Variants in RTEL1 observed in about 807,000 individuals in gnomAD.
RTEL1 encodes regulator of telomere length.
Under a neutral mutation model 162.2 loss-of-function variants are expected in RTEL1, and 86 were observed. The observed-to-expected ratio is 0.53, with a 90% CI of 0.45 to 0.63. The LOEUF is 0.63. Among genes scored for constraint, RTEL1 ranks in the 30% least tolerant of loss-of-function variants. The pLI, the probability that RTEL1 is intolerant of heterozygous loss-of-function variation, is 0.00. For missense variants in RTEL1, 1,941 were observed against 1,750.2 expected, an observed-to-expected ratio of 1.11 and a Z score of -1.95; for synonymous variants, 958 against 717.9, an observed-to-expected ratio of 1.33 and a Z score of -5.35.
chr20:63,679,706 T>C, intron 12 of RTEL1, 143 bp from the exon 13 acceptor site: 1 of 696,794 alleles, frequency 1.4e-6, no homozygotes, highest in Non-Finnish European at 2.6e-6. Context: ...CCCTCCAGGC[T>C]CGAGCCTGTT....
intron 6 of RTEL1, among the ~76,000 whole-genome samples, chr20:63,663,578 T>A (rs2090063740): frequency 6.6e-6 from 1 of 151,900 alleles, no homozygotes; most frequent in Non-Finnish European, 1.5e-5. Flanking sequence ...CTTCTGGGGC[T>A]CATCACGGGG....
At chr20:63,681,993 A>G (rs761855331) in intron 14 of RTEL1, 19 of 985,284 alleles carry the variant, frequency 1.9e-5, no homozygotes, top group Non-Finnish European at 2.3e-5. Flanking sequence ...ACCTGCTTCC[A>G]TGTCCCTGAT....
rs2089970975 is a variant in RTEL1, at chr20:63,659,284, T to A, written c.-119T>A. 1.4e-6 allele frequency: 1 copy of A among 709,270 alleles called. No homozygotes were observed. Among genetic ancestry groups the A allele is most frequent in the East Asian group, 2.6e-5 (1 of 37,738 alleles). 43.9% of individuals were successfully genotyped at this position (709,270 alleles called of 1,614,324 possible). A position where few individuals can be genotyped will look rare whatever the true frequency, so the allele number is the denominator to read the frequency against. ...GAACAGCGTTGTGTCCCAGTGCACA[T>A]GCTCGCATCGCTTACCAGGAGTGCC... On this transcript the variant is annotated 5_prime_UTR_variant, in exon 2 of 35. An upstream start codon of the reference 5' UTR is lost. Coordinates refer to ENST00000360203, the MANE Select transcript of RTEL1 (RefSeq NM_001283009.2).
intron 9 of RTEL1, among the ~76,000 whole-genome samples, chr20:63,673,260 G>A (rs1397744735): frequency 1.3e-5 from 2 of 151,694 alleles, no homozygotes; most frequent in East Asian, 3.9e-4. Context: ...TGGGCGTGGT[G>A]GCGTGTGCCT....
rs1436570014 is a variant in RTEL1 at position 63,696,187 on chromosome 20, C to T, written c.*329C>T. 2 of 443,468 alleles carry T rather than the reference C, an allele frequency of 4.5e-6. No individual in the cohort carries two copies. Among genetic ancestry groups the T allele is most frequent in the East Asian group, 3.8e-5 (1 of 26,626 alleles). The allele number at this position is 443,468 out of a possible 1,614,324, so 27.5% of individuals were successfully genotyped here. ...CCGGGAAGGAGGAGACCCCCGTGGG[C>T]ACGTGTCCACTTTTAATCAGGGGAC... On this transcript the variant is annotated 3_prime_UTR_variant, in exon 35 of 35. Transcript: ENST00000360203.
rs2090300245 is a variant in RTEL1 at position 63,674,086 on chromosome 20, C to T, written c.912C>T (p.Pro304=). ...EPHPEFSADS[P]SPGLNMELED... is the part of the protein sequence containing the mutation. The stretch of plus-strand genomic sequence containing the variant: ...ACCCGGAGTTCAGCGCGGACTCCCC[C>T]AGCCCAGGTGCGTTCATAGCCAGAC... The change falls in exon 10 of 35, where the codon CCC becomes CCT. Residue 304 remains proline (P), a synonymous_variant. Coordinates refer to ENST00000360203, the MANE Select transcript of RTEL1 (RefSeq NM_001283009.2). 1 of 1,610,148 alleles carries T rather than the reference C, an allele frequency of 6.2e-7. No homozygotes were observed. Among genetic ancestry groups the T allele is most frequent in the Admixed American group, 1.7e-5 (1 of 59,726 alleles).
intron 21 of RTEL1, 200 bp downstream of exon 21, chr20:63,688,805 A>T (rs940782963): frequency 7.9e-6 from 5 of 634,084 alleles, no homozygotes; most frequent in Non-Finnish European, 1.4e-5. Context: ...GGGTGTGGTA[A>T]CAGTGGCCCT....
At chr20:63,662,984 G>C in intron 6 of RTEL1, 95 bp downstream of exon 6, 1 of 1,261,712 alleles carries the variant, frequency 7.9e-7, no homozygotes, top group South Asian at 1.2e-5. Flanking sequence ...GTGCTTGCCC[G>C]GTGGGGCGGC....
At chr20:63,678,069 G>GAAT (rs1293997585) in intron 10 of RTEL1, 76 bp from the exon 11 acceptor site, 1 of 1,555,930 alleles carries the variant, frequency 6.4e-7, no homozygotes, top group African/African-American at 1.4e-5. Flanking sequence ...TCCATGCCAG[G>GAAT]AATCCTGGTT....
At chr20:63,664,038 G>A (rs1392511203) in intron 6 of RTEL1, among the ~76,000 whole-genome samples, 2 of 152,146 alleles carry the variant, frequency 1.3e-5, no homozygotes, top group Non-Finnish European at 2.9e-5. Context: ...CTTCTTGTTC[G>A]CTGTGGTTTT....
At chr20:63,688,649 C>A in intron 21 of RTEL1, 44 bp downstream of exon 21, 1 of 1,543,450 alleles carries the variant, frequency 6.5e-7, no homozygotes, top group Non-Finnish European at 8.8e-7. Flanking sequence ...CCCCTCGTGC[C>A]TCCCCTGCCT....
chr20:63,690,812 A>G lies in RTEL1; in HGVS notation c.2421A>G (p.Pro807=), dbSNP rs760125246. The G allele has an allele frequency of 3.1e-6, 5 of 1,603,172 alleles. No homozygotes were observed. The South Asian group carries it at 5.6e-5, about 18-fold the overall frequency. ...PSLKQRSSGS[P]AAGDPESSLC... is the part of the protein sequence containing the mutation. ...ACTCGGGTGCCCCTGCAGGGTCACCAGCTGCCGGGGACCCCGAGAGTAGCC... is the reference window on the plus strand; with the variant it reads ...ACTCGGGTGCCCCTGCAGGGTCACCGGCTGCCGGGGACCCCGAGAGTAGCC... The change falls in exon 27 of 35, where the codon CCA becomes CCG. Residue 807 remains proline, a synonymous_variant. Transcript: ENST00000360203.
rs1195657424 is a variant in RTEL1 at position 63,672,541 on chromosome 20, C to T, written c.700-15C>T. ...TGTGAGCTCCAGCGCTGCGTCCCTT[C>T]TCTTCCTCCTGTAGAGCCGCAGAGC... On this transcript the variant is annotated splice_polypyrimidine_tract_variant and intron_variant, in intron 8 of 34. Coordinates refer to ENST00000360203, the MANE Select transcript of RTEL1 (RefSeq NM_001283009.2). 2 of 1,568,206 alleles carry T rather than the reference C, an allele frequency of 1.3e-6. No homozygotes were observed. Among genetic ancestry groups the T allele is most frequent in the Admixed American group, 1.9e-5 (1 of 53,686 alleles).
chr20:63,691,760 C>T lies in RTEL1; in HGVS notation c.2575C>T (p.Leu859=). 1.2e-6 allele frequency: 2 copies of T among 1,612,456 alleles called. No homozygotes were observed. The highest frequency in any genetic ancestry group is 2.2e-5 in the South Asian group (2 of 91,070). The change falls in exon 28 of 35, where the codon CTG becomes TTG. Residue 859 remains leucine (L), a synonymous_variant. Transcript: ENST00000360203. ...GEEQAHSCST[L]SLLSEKRPAE... ...TCCTCAGGCCCACAGCTGCTCCACCCTGTCCCTCCTGTCTGAGAAGAGGCC... is the reference window on the plus strand; with the variant it reads ...TCCTCAGGCCCACAGCTGCTCCACCTTGTCCCTCCTGTCTGAGAAGAGGCC...
chr20:63,694,239 G>A, intron 30 of RTEL1, 133 bp from the exon 31 acceptor site: 1 of 755,340 alleles, frequency 1.3e-6, no homozygotes, highest in Non-Finnish European at 2.4e-6. Context: ...ACCCAGGCGT[G>A]TACCTGCCTG....
intron 10 of RTEL1, 33 bp from the exon 11 acceptor site, chr20:63,678,112 G>A (rs1410666304): frequency 3.7e-6 from 6 of 1,613,862 alleles, no homozygotes; most frequent in Non-Finnish European, 5.1e-6. Flanking sequence ...CGAGCGTGAT[G>A]CAGACTGCCT....
In RTEL1 at chr20:63,691,820, C is replaced by T. The variant is rs142877871; in HGVS notation, c.2635C>T (p.Arg879Trp). The T allele has an allele frequency of 1.9e-5, 31 of 1,611,284 alleles. No homozygotes were observed. Among genetic ancestry groups the T allele is most frequent in the East Asian group, 4.5e-5 (2 of 44,886 alleles). ...EEPRGGRKKI[R>W]LVSHPEEPVA... Reference sequence around the variant, plus strand: ...ACCGCGAGGAGGGAGGAAGAAGATCCGGCTGGTCAGCCACCCGGTGCGTGA... The same window carrying T: ...ACCGCGAGGAGGGAGGAAGAAGATCTGGCTGGTCAGCCACCCGGTGCGTGA... The change falls in exon 28 of 35, where the codon CGG becomes TGG. Residue 879 changes from arginine to tryptophan, a missense_variant. Arg to Trp is a moderately radical substitution (Grantham distance 101, BLOSUM62 -3). Coordinates refer to ENST00000360203, the MANE Select transcript of RTEL1 (RefSeq NM_001283009.2).
intron 28 of RTEL1, 97 bp downstream of exon 28, chr20:63,691,934 A>G: frequency 1.1e-6 from 1 of 904,428 alleles, no homozygotes; most frequent in South Asian, 1.4e-5. Context: ...CGATGGGACC[A>G]GGGAATCCAC....
rs973787333 is a variant in RTEL1 at position 63,688,286 on chromosome 20, C to T, written c.1637-15C>T. On this transcript the variant is annotated splice_polypyrimidine_tract_variant and intron_variant, in intron 19 of 34. Coordinates refer to ENST00000360203, the MANE Select transcript of RTEL1 (RefSeq NM_001283009.2). ...CATCCTGCCCCTGCCTTGACCCCGGCCCCTGCACTTCCAGGCAACATCGCC... is the reference window on the plus strand; with the variant it reads ...CATCCTGCCCCTGCCTTGACCCCGGTCCCTGCACTTCCAGGCAACATCGCC... 4 of 1,611,292 alleles carry T rather than the reference C, an allele frequency of 2.5e-6. No homozygotes were observed. The African/African-American group carries it at 4.0e-5, about 16-fold the overall frequency.
Sources: allele counts gnomAD v4.1 joint callset (sites outside exome capture counted in the v4.1 genomes callset), GRCh38; gene constraint gnomAD v4.1.1; transcripts MANE v1.5; gene names NCBI Gene and HGNC (gene_info 2026-07-23, HGNC 2026-07-21).